The following SH3RF3 variants were observed in gnomAD, a reference collection of about 807,000 sequenced individuals.
The protein encoded by SH3RF3 is E3 ubiquitin-protein ligase SH3RF3.
In SH3RF3, 29 loss-of-function variants were observed where a neutral mutation model predicts 66.3. The observed-to-expected ratio is 0.44, with a 90% CI of 0.33 to 0.60. The LOEUF (loss-of-function observed/expected upper bound fraction) is 0.60. SH3RF3 is among the 20% of genes least tolerant of loss of function. The pLI, the probability that SH3RF3 is intolerant of heterozygous loss-of-function variation, is 0.04. For synonymous variants in SH3RF3, 583 were observed against 532.0 expected (o/e 1.10, Z -1.32); for missense variants, 1,194 against 1,190.9 (o/e 1.00, Z -0.04).
At chr2:109,165,205 G>A (rs1323110230) in intron 1 of SH3RF3, among the ~76,000 whole-genome samples, 1 of 49,774 alleles carries the variant, frequency 2.0e-5, no homozygotes, top group Non-Finnish European at 4.6e-5. Flanking sequence ...GCTGAGGGAA[G>A]ACTGTGCTAA....
chr2:109,195,445 A>C (rs187808425), intron 1 of SH3RF3, among the ~76,000 whole-genome samples: 24 of 152,344 alleles, frequency 1.6e-4, no homozygotes, highest in Non-Finnish European at 1.2e-4. Context: ...CTGAGTGTCA[A>C]CTGTCGAGTG....
intron 3 of SH3RF3, among the ~76,000 whole-genome samples, chr2:109,378,298 C>T (rs1473944299): frequency 6.6e-6 from 1 of 152,202 alleles, no homozygotes; most frequent in Non-Finnish European, 1.5e-5. Flanking sequence ...AAGACCCCCT[C>T]AGCTTCTCTA....
intron 3 of SH3RF3, among the ~76,000 whole-genome samples, chr2:109,381,522 G>A (rs772741256): frequency 2.0e-5 from 3 of 152,024 alleles, no homozygotes; most frequent in African/African-American, 4.8e-5. Context: ...TCCCTTCAGC[G>A]TGGCCATCAC....
chr2:109,140,298 G>C (rs1394004905), intron 1 of SH3RF3, among the ~76,000 whole-genome samples: 2 of 152,098 alleles, frequency 1.3e-5, no homozygotes, highest in Non-Finnish European at 2.9e-5. Flanking sequence ...CTCTTTTGCC[G>C]GTTCTTTGTG....
At chr2:109,148,622 G>A (rs960232927) in intron 1 of SH3RF3, among the ~76,000 whole-genome samples, 2 of 152,148 alleles carry the variant, frequency 1.3e-5, no homozygotes, top group African/African-American at 4.8e-5. Context: ...ATTAAAGATG[G>A]CATTAGTCAG....
Position 109,129,522 on chromosome 2 carries a change from C to A in SH3RF3, c.-19C>A. 2 of 1,496,274 alleles carry A rather than the reference C, an allele frequency of 1.3e-6. No individual in the cohort carries two copies. The highest frequency in any genetic ancestry group is 1.8e-6 in the Non-Finnish European group (2 of 1,129,326). 92.7% of individuals were successfully genotyped at this position (1,496,274 alleles called of 1,614,324 possible). A position where few individuals can be genotyped will look rare whatever the true frequency, so the allele number is the denominator to read the frequency against. Reference sequence around the variant, plus strand: ...CGGGACCTAGGCAGCCGCGCGAGACCGCTGCGGGCGCCTCCCCCATGCTGC... The same window carrying A: ...CGGGACCTAGGCAGCCGCGCGAGACAGCTGCGGGCGCCTCCCCCATGCTGC... On this transcript the variant is annotated 5_prime_UTR_variant, in exon 1 of 10. Coordinates refer to ENST00000309415, the MANE Select transcript of SH3RF3 (RefSeq NM_001099289.3).
At chr2:109,188,915 A>T (rs547769980) in intron 1 of SH3RF3, among the ~76,000 whole-genome samples, 1 of 151,932 alleles carries the variant, frequency 6.6e-6, no homozygotes, top group East Asian at 1.9e-4. Flanking sequence ...TAGTCTCACA[A>T]CTTTTTCTTT....
In SH3RF3 at chr2:109,222,013, C is replaced by A. The variant is rs186202654; in HGVS notation, c.573+91900C>A. 2.7e-3 allele frequency among the ~76,000 whole-genome samples: 414 copies of A among 152,044 alleles called. 4 individuals carry two copies. Among genetic ancestry groups the A allele is most frequent in the African/African-American group, 9.6e-3 (398 of 41,480 alleles). Reference sequence around the variant, plus strand: ...AAAAAACACAGGGGATACTATTCAGCCTTTCAAAAGAATGAAATCATGTCA... The same window carrying A: ...AAAAAACACAGGGGATACTATTCAGACTTTCAAAAGAATGAAATCATGTCA... On this transcript the variant is annotated intron_variant, in intron 1 of 9. Coordinates refer to ENST00000309415, the MANE Select transcript of SH3RF3 (RefSeq NM_001099289.3).
intron 3 of SH3RF3, among the ~76,000 whole-genome samples, chr2:109,390,191 C>A (rs1367492547): frequency 6.6e-6 from 1 of 152,188 alleles, no homozygotes; most frequent in Non-Finnish European, 1.5e-5. Flanking sequence ...TGTGGCAGTT[C>A]TTGGAGAAAG....
intron 1 of SH3RF3, among the ~76,000 whole-genome samples, chr2:109,138,780 T>G (rs1394088680): frequency 1.3e-5 from 2 of 152,240 alleles, no homozygotes; most frequent in Non-Finnish European, 2.9e-5. Flanking sequence ...TCTTGAAGAC[T>G]GGCCCAGAAC....
At chr2:109,178,734 T>G (rs1415953258) in intron 1 of SH3RF3, among the ~76,000 whole-genome samples, 1 of 152,212 alleles carries the variant, frequency 6.6e-6, no homozygotes, top group African/African-American at 2.4e-5. Context: ...CATTTTTAAT[T>G]GGTGTGTCGT....
chr2:109,331,223 C>T (rs1040682412), intron 1 of SH3RF3, among the ~76,000 whole-genome samples: 6 of 152,148 alleles, frequency 3.9e-5, no homozygotes, highest in African/African-American at 1.4e-4. Flanking sequence ...GCTGAAATTT[C>T]CTGATATTGT....
At position 109,359,363 on chromosome 2, in the gene SH3RF3, G is replaced by A. The variant is rs185203436; in HGVS notation, c.849+11414G>A. ...TTAAATCTATACAACAAGTTGAAAA[G>A]AACTGACATCTTGACAATATTGAGT... On this transcript the variant is annotated intron_variant, in intron 2 of 9. Coordinates refer to ENST00000309415, the MANE Select transcript of SH3RF3 (RefSeq NM_001099289.3). Among the ~76,000 whole-genome samples, 573 of 152,290 alleles carry A rather than the reference G, an allele frequency of 3.8e-3. 2 individuals carry two copies. The highest frequency in any genetic ancestry group is 0.013 in the African/African-American group (557 of 41,548).
intron 8 of SH3RF3, among the ~76,000 whole-genome samples, chr2:109,463,333 G>A (rs955201346): frequency 6.6e-6 from 1 of 152,274 alleles, no homozygotes; most frequent in East Asian, 1.9e-4. Context: ...CCACCTGGTC[G>A]GCCTTGTCTT....
At chr2:109,189,018 G>A (rs569045059) in intron 1 of SH3RF3, among the ~76,000 whole-genome samples, 66 of 152,036 alleles carry the variant, frequency 4.3e-4, no homozygotes, top group African/African-American at 1.5e-3. Flanking sequence ...GGCAGCCTCT[G>A]TCTTCACCAG....
intron 1 of SH3RF3, among the ~76,000 whole-genome samples, chr2:109,323,900 A>G (rs933949342): frequency 6.6e-6 from 1 of 152,234 alleles, no homozygotes; most frequent in African/African-American, 2.4e-5. Context: ...AACCACCATC[A>G]CTGTCTAATT....
In SH3RF3 at chr2:109,437,074, C is replaced by A; in HGVS notation, c.1756C>A (p.Pro586Thr). 6.2e-7 allele frequency: 1 copy of A among 1,613,734 alleles called. No homozygotes were observed. The highest frequency in any genetic ancestry group is 8.5e-7 in the Non-Finnish European group (1 of 1,179,858). ...CCACGCCCAGCACCCCACAGCCTCG[C>A]CCCCAACAGGCAGCTGTCTACGGCA... ...QAHAQHPTAS[P>T]PTGSCLRHSA... Residue 586 changes from proline (P) to threonine (T), a missense_variant, in exon 7 of 10, where the codon CCC becomes ACC. By Grantham distance (38) the Pro-to-Thr change is conservative (BLOSUM62 -1). Transcript: ENST00000309415.
At chr2:109,328,669 C>T (rs1422811184) in intron 1 of SH3RF3, among the ~76,000 whole-genome samples, 2 of 152,132 alleles carry the variant, frequency 1.3e-5, no homozygotes, top group African/African-American at 2.4e-5. Context: ...CCAGAAACAG[C>T]GTGGGATGAT....
chr2:109,348,021 C>G (rs1682757333), intron 2 of SH3RF3, 72 bp downstream of exon 2: 1 of 1,514,792 alleles, frequency 6.6e-7, no homozygotes, highest in Non-Finnish European at 8.9e-7. Context: ...TTCCCAGCCA[C>G]AGACCTATAG....
Sources: allele counts gnomAD v4.1 joint callset (sites outside exome capture counted in the v4.1 genomes callset), GRCh38; gene constraint gnomAD v4.1.1; transcripts MANE v1.5; gene names NCBI Gene and HGNC (gene_info 2026-07-23, HGNC 2026-07-21).